DGKB: variants seen among roughly 807,000 people sequenced by gnomAD.
DGKB encodes diacylglycerol kinase beta.
In DGKB, 67 loss-of-function variants were observed where a neutral mutation model predicts 114.3. The ratio of observed to expected loss-of-function variants is 0.59; its 90% CI spans 0.48 to 0.72. DGKB has a LOEUF of 0.72. Ranked by LOEUF, DGKB falls within the 30% of genes least tolerant of loss-of-function variation. The pLI is 0.00. For synonymous variants in DGKB, 398 were observed against 323.1 expected (o/e 1.23, Z -2.49); for missense variants, 907 against 975.2 (o/e 0.93, Z 0.93).
chr7:14,833,459 T>C (rs1846704549), intron 2 of DGKB, among the ~76,000 whole-genome samples: 1 of 152,134 alleles, frequency 6.6e-6, no homozygotes, highest in Admixed American at 6.6e-5. Context: ...AATAGGTTCT[T>C]AATCATGTTT....
At chr7:14,394,910 C>A (rs1222643268) in intron 21 of DGKB, among the ~76,000 whole-genome samples, 1 of 151,930 alleles carries the variant, frequency 6.6e-6, no homozygotes, top group Non-Finnish European at 1.5e-5. Context: ...TAAGTCAATC[C>A]ATCAGTGTTT....
At chr7:14,524,491 C>T (rs945660817) in intron 20 of DGKB, among the ~76,000 whole-genome samples, 2 of 152,222 alleles carry the variant, frequency 1.3e-5, no homozygotes, top group Non-Finnish European at 2.9e-5. Flanking sequence ...CGCAGTGGCT[C>T]ATGCCTGTAA....
intron 1 of DGKB, among the ~76,000 whole-genome samples, chr7:14,891,243 G>T (rs1781181543): frequency 6.6e-6 from 1 of 151,388 alleles, no homozygotes; most frequent in Non-Finnish European, 1.5e-5. Context: ...GAATGAAGAA[G>T]ATAGTCACTT....
At chr7:14,245,387 T>G (rs1251708489) in intron 23 of DGKB, among the ~76,000 whole-genome samples, 2 of 152,130 alleles carry the variant, frequency 1.3e-5, no homozygotes, top group African/African-American at 2.4e-5. Context: ...AAATATACCC[T>G]ATTGGGAAAA....
chr7:14,188,012 AGAACCAAGCG>A (rs1471858571), intron 23 of DGKB, among the ~76,000 whole-genome samples: 1 of 152,210 alleles, frequency 6.6e-6, no homozygotes, highest in Non-Finnish European at 1.5e-5. Context: ...AAATAAAAAA[AGAACCAAGCG>A]GAATTGGAGC....
chr7:14,856,485 T>C (rs886257305), intron 1 of DGKB, among the ~76,000 whole-genome samples: 1 of 152,144 alleles, frequency 6.6e-6, no homozygotes, highest in African/African-American at 2.4e-5. Flanking sequence ...GAAATATATA[T>C]AGTATCCACA....
At chr7:14,376,915 T>TGA (rs1478338263) in intron 21 of DGKB, among the ~76,000 whole-genome samples, 3 of 152,228 alleles carry the variant, frequency 2.0e-5, no homozygotes, top group Non-Finnish European at 2.9e-5. Flanking sequence ...AGTGAGAGTT[T>TGA]GAGTTTCAGT....
At chr7:14,297,002 C>T (rs927790275) in intron 23 of DGKB, among the ~76,000 whole-genome samples, 4 of 151,970 alleles carry the variant, frequency 2.6e-5, no homozygotes, top group Admixed American at 1.3e-4. Context: ...CAAGACTAAA[C>T]CAGGAAGAAG....
intron 13 of DGKB, among the ~76,000 whole-genome samples, chr7:14,671,402 A>C: frequency 6.6e-6 from 1 of 152,176 alleles, no homozygotes; most frequent in East Asian, 1.9e-4. Flanking sequence ...ACAAATGCTG[A>C]GATATAAATT....
At chr7:14,155,738 A>G (rs907960457) in intron 25 of DGKB, among the ~76,000 whole-genome samples, 54 of 152,046 alleles carry the variant, frequency 3.6e-4, no homozygotes, top group African/African-American at 1.3e-3. Context: ...TTTTACTGCA[A>G]TTTCCATGCT....
intron 4 of DGKB, among the ~76,000 whole-genome samples, chr7:14,753,261 T>C (rs1469233479): frequency 1.3e-5 from 2 of 152,186 alleles, no homozygotes; most frequent in Non-Finnish European, 2.9e-5. Flanking sequence ...GCAAGAAATA[T>C]TTCTACAGTG....
intron 1 of DGKB, among the ~76,000 whole-genome samples, chr7:14,910,902 T>G (rs182052615): frequency 6.6e-6 from 1 of 152,176 alleles, no homozygotes; most frequent in African/African-American, 2.4e-5. Flanking sequence ...TAGCTTTAAA[T>G]GACCTGGGGG....
At chr7:14,701,597 T>G in intron 7 of DGKB, 84 bp downstream of exon 7, 1 of 957,098 alleles carries the variant, frequency 1.0e-6, no homozygotes, top group East Asian at 2.4e-5. Flanking sequence ...GTGCCTTCTG[T>G]GGTAATAACT....
intron 13 of DGKB, among the ~76,000 whole-genome samples, chr7:14,656,751 T>TACACACACACACACACAC (rs10623353): frequency 8.3e-4 from 106 of 127,702 alleles, no homozygotes; most frequent in Non-Finnish European, 1.4e-3. Flanking sequence ...ATATAGGATA[T>TACACACACACACACACAC]ATACACACAC....
At chr7:14,867,150 G>A (rs772989252) in intron 1 of DGKB, among the ~76,000 whole-genome samples, 1 of 152,078 alleles carries the variant, frequency 6.6e-6, no homozygotes, top group Non-Finnish European at 1.5e-5. Context: ...TGTGTGTTTT[G>A]CAAATATTTT....
At chr7:14,352,982 G>A (rs1813761960) in intron 21 of DGKB, among the ~76,000 whole-genome samples, 2 of 151,946 alleles carry the variant, frequency 1.3e-5, no homozygotes, top group Non-Finnish European at 2.9e-5. Flanking sequence ...AATAATAAAA[G>A]TGTCCCTAAG....
At chr7:14,933,128 C>T (rs993098668) in intron 1 of DGKB, among the ~76,000 whole-genome samples, 2 of 152,146 alleles carry the variant, frequency 1.3e-5, no homozygotes, top group African/African-American at 4.8e-5. Context: ...AAATGATGAA[C>T]CTGGCATTGA....
chr7:14,567,905 C>A (rs1463858407), intron 20 of DGKB, among the ~76,000 whole-genome samples: 1 of 152,028 alleles, frequency 6.6e-6, no homozygotes, highest in Non-Finnish European at 1.5e-5. Context: ...CAGCACCCAG[C>A]CAGATGACCT....
At chr7:14,948,151 T>C (rs1457381511) in intron 1 of DGKB, among the ~76,000 whole-genome samples, 1 of 151,836 alleles carries the variant, frequency 6.6e-6, no homozygotes, top group Non-Finnish European at 1.5e-5. Flanking sequence ...GGAGCAAGAA[T>C]GTAACAAAGC....
Sources: allele counts gnomAD v4.1 joint callset (sites outside exome capture counted in the v4.1 genomes callset), GRCh38; gene constraint gnomAD v4.1.1; transcripts MANE v1.5; gene names NCBI Gene and HGNC (gene_info 2026-07-23, HGNC 2026-07-21).